Variants in IL22RA2 observed in about 807,000 individuals in gnomAD.
IL22RA2 encodes the protein interleukin-22 receptor subunit alpha-2.
IL22RA2 carries 39 observed loss-of-function variants against 30.7 expected under a neutral mutation model. The observed-to-expected ratio is 1.27, with a 90% CI of 0.98 to 1.66. IL22RA2 has a LOEUF of 1.66. Ranked by LOEUF, IL22RA2 falls within the 40% of genes most tolerant of loss-of-function variation. The pLI is 0.00. For synonymous variants in IL22RA2, 103 were observed against 105.0 expected, an observed-to-expected ratio of 0.98 and a Z score of 0.11; for missense variants, 315 against 312.7, an observed-to-expected ratio of 1.01 and a Z score of -0.05.
At chr6:137,157,891 T>G (rs1401778228) in intron 3 of IL22RA2, among the ~76,000 whole-genome samples, 1 of 152,148 alleles carries the variant, frequency 6.6e-6, no homozygotes, top group Non-Finnish European at 1.5e-5. Flanking sequence ...TGAAAGGAAT[T>G]TTCTAAATAG....
At chr6:137,150,359 T>G (rs1489325150) in intron 5 of IL22RA2, among the ~76,000 whole-genome samples, 1 of 152,134 alleles carries the variant, frequency 6.6e-6, no homozygotes, top group African/African-American at 2.4e-5. Flanking sequence ...CTTCTCACTA[T>G]TGCATCAACA....
intron 1 of IL22RA2, among the ~76,000 whole-genome samples, chr6:137,162,608 T>C (rs914513140): frequency 6.6e-6 from 1 of 152,232 alleles, no homozygotes. Flanking sequence ...CTATGATTCA[T>C]TATATCATTC....
chr6:137,147,684 GA>G lies in IL22RA2; in HGVS notation c.642+37del, dbSNP rs369121640. On this transcript the variant is annotated intron_variant, in intron 6 of 6. Coordinates refer to ENST00000296980, the MANE Select transcript of IL22RA2 (RefSeq NM_052962.3). ...CACAATATTGGTTAAATAAACAAAA[GA>G]AAAAAACTCTAAATATATCTATTCA... 1.9e-3 allele frequency: 2,688 copies of G among 1,433,606 alleles called. 48 individuals are homozygous for G. In the African/African-American group the frequency reaches 0.029, roughly 16 times the overall value. 88.8% of individuals were successfully genotyped at this position (1,433,606 alleles called of 1,614,324 possible).
intron 5 of IL22RA2, among the ~76,000 whole-genome samples, chr6:137,152,724 TA>T (rs1327498084): frequency 6.6e-6 from 1 of 152,218 alleles, no homozygotes; most frequent in African/African-American, 2.4e-5. Context: ...TATATCTCAA[TA>T]AGGCTGTTTA....
At chr6:137,155,319 C>T (rs536380102) in intron 4 of IL22RA2, among the ~76,000 whole-genome samples, 200 bp from the exon 5 acceptor site, 6 of 151,886 alleles carry the variant, frequency 4.0e-5, no homozygotes, top group South Asian at 2.1e-4. Flanking sequence ...ACTGAATACC[C>T]GAGACTGGGT....
chr6:137,147,995 C>A, intron 5 of IL22RA2, 104 bp from the exon 6 acceptor site: 1 of 1,030,806 alleles, frequency 9.7e-7, no homozygotes, highest in East Asian at 2.5e-5. Flanking sequence ...ATCACCTGAG[C>A]CCAGGGAGGC....
intron 3 of IL22RA2, among the ~76,000 whole-genome samples, chr6:137,157,577 A>G (rs1015772185): frequency 6.6e-6 from 1 of 152,164 alleles, no homozygotes; most frequent in Non-Finnish European, 1.5e-5. Context: ...CTTTGGCCAT[A>G]GCTGCATTTG....
intron 5 of IL22RA2, among the ~76,000 whole-genome samples, chr6:137,150,332 C>T (rs757177700): frequency 9.2e-5 from 14 of 152,066 alleles, no homozygotes; most frequent in Admixed American, 8.5e-4. Flanking sequence ...GGTGAGGAGG[C>T]AGCTGAGTGG....
intron 1 of IL22RA2, among the ~76,000 whole-genome samples, chr6:137,171,649 G>A (rs1778736848): frequency 6.6e-6 from 1 of 152,210 alleles, no homozygotes; most frequent in Non-Finnish European, 1.5e-5. Flanking sequence ...GTGAGGCCTT[G>A]GGTGGAGCTG....
chr6:137,166,558 C>A (rs1161733109), intron 1 of IL22RA2, among the ~76,000 whole-genome samples: 2 of 152,128 alleles, frequency 1.3e-5, no homozygotes, highest in African/African-American at 4.8e-5. Flanking sequence ...ACAGCGATAA[C>A]TAAGAAGGAA....
intron 5 of IL22RA2, among the ~76,000 whole-genome samples, chr6:137,153,814 C>T (rs141641124): frequency 1.3e-3 from 202 of 152,014 alleles, no homozygotes; most frequent in Non-Finnish European, 2.2e-3. Flanking sequence ...TTAGGTCAAG[C>T]GGAGACAGGA....
intron 1 of IL22RA2, among the ~76,000 whole-genome samples, chr6:137,170,720 G>T (rs762372048): frequency 1.3e-5 from 2 of 151,964 alleles, no homozygotes; most frequent in Admixed American, 1.3e-4. Flanking sequence ...TGATCATCCC[G>T]CAACAGACCC....
intron 1 of IL22RA2, among the ~76,000 whole-genome samples, chr6:137,170,719 C>G (rs578025686): frequency 6.6e-6 from 1 of 151,972 alleles, no homozygotes; most frequent in Non-Finnish European, 1.5e-5. Context: ...TTGATCATCC[C>G]GCAACAGACC....
At chr6:137,150,773 C>T (rs1778273879) in intron 5 of IL22RA2, among the ~76,000 whole-genome samples, 1 of 152,158 alleles carries the variant, frequency 6.6e-6, no homozygotes, top group African/African-American at 2.4e-5. Context: ...TTTTCCTCTA[C>T]TAGAGAATTG....
At chr6:137,164,886 A>G (rs758218817) in intron 1 of IL22RA2, among the ~76,000 whole-genome samples, 1 of 152,218 alleles carries the variant, frequency 6.6e-6, no homozygotes, top group East Asian at 1.9e-4. Context: ...TCCCTCCTAT[A>G]GAGAGAAGCC....
At chr6:137,147,632 G>A (rs2114347780) in intron 6 of IL22RA2, 90 bp downstream of exon 6, 1 of 1,046,294 alleles carries the variant, frequency 9.6e-7, no homozygotes, top group Non-Finnish European at 1.3e-6. Flanking sequence ...AGGAGGCAGA[G>A]TAGCAGAAGA....
chr6:137,155,218 C>A (rs867236866), intron 4 of IL22RA2, 99 bp from the exon 5 acceptor site: 11 of 820,308 alleles, frequency 1.3e-5, no homozygotes, highest in Middle Eastern at 4.8e-4. Flanking sequence ...ATTCTAGTAG[C>A]AATACCACCA....
chr6:137,148,293 G>A lies in IL22RA2; in HGVS notation c.473-402C>T, dbSNP rs192193013. ...AGGATCTCATTATGTTGCCCAGGCTGGGCTCAAACTCCTGTACTCAAGTGA... is the reference window on the plus strand; with the variant it reads ...AGGATCTCATTATGTTGCCCAGGCTAGGCTCAAACTCCTGTACTCAAGTGA... On this transcript the variant is annotated intron_variant, in intron 5 of 6. Coordinates refer to ENST00000296980, the MANE Select transcript of IL22RA2 (RefSeq NM_052962.3). Among the ~76,000 whole-genome samples the A allele has an allele frequency of 1.3e-3, 202 of 152,132 alleles. 1 individual carries two copies. Among genetic ancestry groups the A allele is most frequent in the South Asian group, 2.7e-3 (13 of 4,816 alleles).
chr6:137,156,313 A>C (rs1295773000), intron 4 of IL22RA2, among the ~76,000 whole-genome samples: 1 of 152,226 alleles, frequency 6.6e-6, no homozygotes, highest in East Asian at 1.9e-4. Flanking sequence ...TTATTGAAAG[A>C]CTTGAAATCT....
Sources: allele counts gnomAD v4.1 joint callset (sites outside exome capture counted in the v4.1 genomes callset), GRCh38; gene constraint gnomAD v4.1.1; transcripts MANE v1.5; gene names NCBI Gene and HGNC (gene_info 2026-07-23, HGNC 2026-07-21).